The following IVD variants were observed in gnomAD, a reference collection of about 807,000 sequenced individuals.
IVD encodes the protein isovaleryl-CoA dehydrogenase, mitochondrial.
In IVD, 31 loss-of-function variants were observed where a neutral mutation model predicts 51.3. That is an observed-to-expected ratio of 0.60 (90% confidence interval 0.45 to 0.81). The LOEUF is 0.81. Ranked by LOEUF, IVD falls within the 40% of genes least tolerant of loss-of-function variation. The pLI is 0.00. For synonymous variants in IVD, 205 were observed against 219.4 expected, an observed-to-expected ratio of 0.93 and a Z score of 0.58; for missense variants, 475 against 552.0, an observed-to-expected ratio of 0.86 and a Z score of 1.40.
intron 6 of IVD, 89 bp from the exon 7 acceptor site, chr15:40,412,902 G>T: frequency 1.0e-6 from 1 of 974,686 alleles, no homozygotes. Flanking sequence ...TCAATAGGAA[G>T]GTGAGTGCCT....
At chr15:40,409,552 GC>G (rs889026128) in intron 3 of IVD, among the ~76,000 whole-genome samples, 6 of 152,272 alleles carry the variant, frequency 3.9e-5, no homozygotes, top group African/African-American at 1.4e-4. Context: ...AGTTGTAGGG[GC>G]AGGTCAAGGT....
chr15:40,422,064 C>T (rs1892340389), downstream of IVD, among the ~76,000 whole-genome samples: 1 of 152,232 alleles, frequency 6.6e-6, no homozygotes, highest in Non-Finnish European at 1.5e-5. Context: ...CACTGGCTTG[C>T]CAGACGCAGC....
chr15:40,416,112 G>A lies in IVD; in HGVS notation c.995G>A (p.Arg332His), dbSNP rs745464766. The change falls in exon 10 of 12, where the codon CGC becomes CAC. Residue 332 changes from arginine to histidine, a missense_variant. Physicochemically the swap from Arg to His is conservative, Grantham distance 29. Transcript: ENST00000487418. ...GGGAAGATGGCTGACATGTACACCC[G>A]CCTCATGGCGTGTCGGCAGTATGTC... ...MQGKMADMYT[R>H]LMACRQYVYN... 1.2e-5 allele frequency: 20 copies of A among 1,614,128 alleles called. No homozygotes were observed. The highest frequency in any genetic ancestry group is 4.0e-5 in the African/African-American group (3 of 74,950).
chr15:40,434,628 G>A (rs962938135), intron 8 of IVD, among the ~76,000 whole-genome samples: 1 of 152,224 alleles, frequency 6.6e-6, no homozygotes, highest in Non-Finnish European at 1.5e-5. Context: ...GCAGCAGGGA[G>A]CAAGGTGGAA....
intron 7 of IVD, among the ~76,000 whole-genome samples, chr15:40,432,602 G>A (rs1893040164): frequency 1.3e-5 from 2 of 152,270 alleles, no homozygotes; most frequent in Admixed American, 6.5e-5. Flanking sequence ...TCTGCTCTGG[G>A]TTTTGCAAGA....
At chr15:40,417,987 C>G in intron 11 of IVD, 143 bp from the exon 12 acceptor site, 1 of 1,127,252 alleles carries the variant, frequency 8.9e-7, no homozygotes, top group Non-Finnish European at 1.3e-6. Context: ...GTATTCCCCA[C>G]ACCCCTCCCT....
At chr15:40,434,666 C>T (rs1452405153) in intron 8 of IVD, among the ~76,000 whole-genome samples, 2 of 152,212 alleles carry the variant, frequency 1.3e-5, no homozygotes, top group Non-Finnish European at 2.9e-5. Context: ...TTCACCTGAG[C>T]TTCGGGAGAC....
intron 11 of IVD, 25 bp downstream of exon 11, chr15:40,416,387 C>T: frequency 6.2e-7 from 1 of 1,608,354 alleles, no homozygotes; most frequent in Non-Finnish European, 8.5e-7. Flanking sequence ...CTTCCCAGTC[C>T]CGGGGCTCCC....
At position 40,421,266 on chromosome 15, in the gene IVD, AAAAT is replaced by A. The variant is rs1409387688; in HGVS notation, c.*3008_*3011del. The A allele has an allele frequency of 1.1e-5, 11 of 980,946 alleles. No individual in the cohort carries two copies. Among genetic ancestry groups the A allele is most frequent in the Non-Finnish European group, 1.3e-5 (11 of 828,632 alleles). 60.8% of individuals were successfully genotyped at this position (980,946 alleles called of 1,614,324 possible). ...TCTTTCCTGGTTCTATATGTGAAGC[AAAAT>A]AAATGTTTTAAAATTAAAAGCAAAA... On this transcript the variant is annotated 3_prime_UTR_variant, in exon 12 of 12. Coordinates refer to ENST00000487418, the MANE Select transcript of IVD (RefSeq NM_002225.5).
downstream of IVD, chr15:40,435,824 G>C (rs1893235067): frequency 3.4e-6 from 2 of 590,702 alleles, no homozygotes; most frequent in Admixed American, 6.3e-5. Context: ...CTCCGCTCTC[G>C]GCTTAGCCCC....
Position 40,416,066 on chromosome 15 carries a change from C to G in IVD, c.961-12C>G. The G allele has an allele frequency of 6.2e-7, 1 of 1,613,744 alleles. No homozygotes were observed. Among genetic ancestry groups the G allele is most frequent in the Non-Finnish European group, 8.5e-7 (1 of 1,179,632 alleles). ...TCCAGCATGTTGACCTGTGACATCC[C>G]TTTGTGCCCAGTTGATGCAGGGGAA... On this transcript the variant is annotated splice_polypyrimidine_tract_variant and intron_variant, in intron 9 of 11. Transcript: ENST00000487418.
Position 40,420,344 on chromosome 15 carries a change from A to G in IVD, c.*2081A>G. 1 of 987,704 alleles carries G rather than the reference A, an allele frequency of 1.0e-6. No individual in the cohort carries two copies. Among genetic ancestry groups the G allele is most frequent in the Non-Finnish European group, 1.2e-6 (1 of 830,158 alleles). 61.2% of individuals were successfully genotyped at this position (987,704 alleles called of 1,614,324 possible). A position where few individuals can be genotyped will look rare whatever the true frequency, so the allele number is the denominator to read the frequency against. ...GGCCGGAGTTGGCTCGCATGACTCC[A>G]GCTGAGGCTGCCTGTGTACATTTCT... On this transcript the variant is annotated 3_prime_UTR_variant, in exon 12 of 12. Transcript: ENST00000487418.
chr15:40,411,044 T>A lies in IVD; in HGVS notation c.457-216T>A, dbSNP rs73383142. ...AAGAGAACTCTAAGAAATGGAAGAG[T>A]AGGACTAGCTTCCTTTGCAAAGGGA... On this transcript the variant is annotated intron_variant, in intron 4 of 11. Coordinates refer to ENST00000487418, the MANE Select transcript of IVD (RefSeq NM_002225.5). Among the ~76,000 whole-genome samples the A allele has an allele frequency of 0.01, 1,569 of 152,042 alleles. 39 individuals carry two copies. Among genetic ancestry groups the A allele is most frequent in the African/African-American group, 0.036 (1,482 of 41,440 alleles).
chr15:40,421,670 C>G (rs1892309851), downstream of IVD, among the ~76,000 whole-genome samples: 1 of 152,208 alleles, frequency 6.6e-6, no homozygotes, highest in African/African-American at 2.4e-5. Flanking sequence ...CTTCTACAAC[C>G]ACCATCTGAG....
Position 40,419,097 on chromosome 15 carries a change from T to C in IVD, c.*834T>C. 3.2e-6 allele frequency: 4 copies of C among 1,231,464 alleles called. No homozygotes were observed. The highest frequency in any genetic ancestry group is 4.3e-6 in the Non-Finnish European group (4 of 936,960). The allele number at this position is 1,231,464 out of a possible 1,614,324, so 76.3% of individuals were successfully genotyped here. ...GTTGCAGTGAGCCGAGCTTGTGCCA[T>C]TGCACTCCAGCCTGGGCGACAAGAG... On this transcript the variant is annotated 3_prime_UTR_variant, in exon 12 of 12. Transcript: ENST00000487418.
chr15:40,412,359 G>A (rs1046886088), intron 6 of IVD, among the ~76,000 whole-genome samples: 2 of 152,204 alleles, frequency 1.3e-5, no homozygotes, highest in African/African-American at 2.4e-5. Flanking sequence ...GAGTGGGGGA[G>A]TTGGCAAGAG....
At chr15:40,423,177 A>G (rs1892463639), downstream of IVD, among the ~76,000 whole-genome samples, 1 of 152,050 alleles carries the variant, frequency 6.6e-6, no homozygotes, top group Admixed American at 6.5e-5. Context: ...GGCTCAAGCG[A>G]TCCTCCTGCC....
chr15:40,421,224 G>A lies in IVD; in HGVS notation c.*2961G>A, dbSNP rs1296009468. 5.1e-6 allele frequency: 5 copies of A among 985,444 alleles called. No homozygotes were observed. The Admixed American group carries it at 2.5e-4, about 48-fold the overall frequency. 61.0% of individuals were successfully genotyped at this position (985,444 alleles called of 1,614,324 possible). Reference sequence around the variant, plus strand: ...TCATCCAGTCTGTCTAAGCCCTGTCGACTTGGGGAGGTGATTTCTTTCCTG... The same window carrying A: ...TCATCCAGTCTGTCTAAGCCCTGTCAACTTGGGGAGGTGATTTCTTTCCTG... On this transcript the variant is annotated 3_prime_UTR_variant, in exon 12 of 12. Coordinates refer to ENST00000487418, the MANE Select transcript of IVD (RefSeq NM_002225.5).
intron 6 of IVD, 106 bp downstream of exon 6, chr15:40,411,797 A>C: frequency 7.2e-7 from 1 of 1,381,916 alleles, no homozygotes; most frequent in Non-Finnish European, 1.0e-6. Flanking sequence ...TGTGCTCTGC[A>C]AGGCCCCCAG....
Sources: allele counts gnomAD v4.1 joint callset (sites outside exome capture counted in the v4.1 genomes callset), GRCh38; gene constraint gnomAD v4.1.1; transcripts MANE v1.5; gene names NCBI Gene and HGNC (gene_info 2026-07-23, HGNC 2026-07-21).